FAM171B: variants seen among roughly 807,000 people sequenced by gnomAD.
FAM171B encodes the protein family with sequence similarity 171 member B, also known as protein FAM171B.
A neutral mutation model predicts 75.6 loss-of-function variants in FAM171B; 19 were observed. The ratio of observed to expected loss-of-function variants is 0.25; its 90% CI spans 0.18 to 0.37. The LOEUF is 0.37. Among genes scored for constraint, FAM171B ranks in the 10% least tolerant of loss-of-function variants. FAM171B has a pLI of 1.00. For missense variants in FAM171B, 848 were observed against 982.4 expected (o/e 0.86, Z 1.83); for synonymous variants, 367 against 361.7 (o/e 1.01, Z -0.17).
At chr2:186,761,339 T>C in intron 7 of FAM171B, 103 bp downstream of exon 7, 1 of 1,446,512 alleles carries the variant, frequency 6.9e-7, no homozygotes, top group South Asian at 1.4e-5. Flanking sequence ...TTTAATCTTA[T>C]AATATATCCT....
intron 1 of FAM171B, among the ~76,000 whole-genome samples, chr2:186,704,960 T>C (rs1324475877): frequency 3.3e-5 from 5 of 152,228 alleles, no homozygotes; most frequent in Admixed American, 6.5e-5. Context: ...CATTCCTTTA[T>C]ACTTTATTGA....
chr2:186,760,115 T>C (rs114929504), intron 6 of FAM171B, among the ~76,000 whole-genome samples: 365 of 152,282 alleles, frequency 2.4e-3, no homozygotes, highest in African/African-American at 8.5e-3. Context: ...GATTTATTTA[T>C]AGGTTCTCTG....
intron 1 of FAM171B, among the ~76,000 whole-genome samples, chr2:186,709,079 G>A (rs2105773868): frequency 6.6e-6 from 1 of 152,204 alleles, no homozygotes; most frequent in East Asian, 1.9e-4. Flanking sequence ...TCATCACACA[G>A]AGAAAGAAGG....
At chr2:186,738,223 C>T (rs1041814900) in intron 1 of FAM171B, among the ~76,000 whole-genome samples, 19 of 152,194 alleles carry the variant, frequency 1.2e-4, no homozygotes, top group African/African-American at 3.4e-4. Context: ...CCACAGCCCA[C>T]GGGGCAGAAG....
Position 186,763,792 on chromosome 2 carries a change from C to T in FAM171B, c.*969C>T, listed in dbSNP as rs1690659803. 1 of 151,952 alleles carries T rather than the reference C, an allele frequency of 6.6e-6. No homozygotes were observed. Among genetic ancestry groups the T allele is most frequent in the Non-Finnish European group, 1.5e-5 (1 of 67,936 alleles). The allele number at this position is 151,952 out of a possible 1,614,324, so 9.4% of individuals were successfully genotyped here. Reference sequence around the variant, plus strand: ...ATAAAATATGTGCAGATAAAATATACATTGATTTGTTTTTCTTAAATGTTG... The same window carrying T: ...ATAAAATATGTGCAGATAAAATATATATTGATTTGTTTTTCTTAAATGTTG... On this transcript the variant is annotated 3_prime_UTR_variant, in exon 8 of 8. Transcript: ENST00000304698.
At chr2:186,740,188 A>G (rs753958941) in intron 1 of FAM171B, 40 bp from the exon 2 acceptor site, 5 of 1,436,344 alleles carry the variant, frequency 3.5e-6, no homozygotes, top group Non-Finnish European at 4.9e-6. Flanking sequence ...TATGCATTCT[A>G]GGATACGACA....
At chr2:186,750,352 G>C (rs543216867) in intron 4 of FAM171B, among the ~76,000 whole-genome samples, 5 of 152,104 alleles carry the variant, frequency 3.3e-5, no homozygotes, top group Admixed American at 3.3e-4. Context: ...TTAAGAAAGC[G>C]TACTGTAAAT....
intron 1 of FAM171B, among the ~76,000 whole-genome samples, chr2:186,712,593 AT>A (rs1216828715): frequency 1.3e-5 from 2 of 152,198 alleles, no homozygotes; most frequent in Non-Finnish European, 2.9e-5. Context: ...CTGTCAGTCG[AT>A]CATATTAATA....
At chr2:186,755,219 C>T in intron 6 of FAM171B, among the ~76,000 whole-genome samples, 1 of 152,164 alleles carries the variant, frequency 6.6e-6, no homozygotes, top group East Asian at 1.9e-4. Flanking sequence ...CCTGCTACCA[C>T]TTCCTGGGCC....
chr2:186,737,361 T>G (rs1254545143), intron 1 of FAM171B, among the ~76,000 whole-genome samples: 1 of 152,224 alleles, frequency 6.6e-6, no homozygotes, highest in Non-Finnish European at 1.5e-5. Context: ...TTTCTTTTCT[T>G]TCTCTTTTTT....
intron 2 of FAM171B, among the ~76,000 whole-genome samples, chr2:186,742,514 T>C (rs1333057969): frequency 1.3e-5 from 2 of 152,216 alleles, no homozygotes; most frequent in Non-Finnish European, 2.9e-5. Context: ...CCACCCATCA[T>C]TGTATACTTT....
intron 1 of FAM171B, among the ~76,000 whole-genome samples, chr2:186,726,287 T>A (rs2105780724): frequency 6.6e-6 from 1 of 152,306 alleles, no homozygotes; most frequent in African/African-American, 2.4e-5. Flanking sequence ...TTTTTTCTTT[T>A]TCTTTTAAAC....
intron 1 of FAM171B, among the ~76,000 whole-genome samples, chr2:186,730,285 C>T (rs1008789102): frequency 6.6e-6 from 1 of 152,184 alleles, no homozygotes; most frequent in Non-Finnish European, 1.5e-5. Context: ...TCTCAATTTC[C>T]TTGCCTTAAA....
chr2:186,708,068 G>T (rs562722166), intron 1 of FAM171B, among the ~76,000 whole-genome samples: 1 of 151,994 alleles, frequency 6.6e-6, no homozygotes, highest in African/African-American at 2.4e-5. Flanking sequence ...TTTATTGAAT[G>T]AATAAATGAA....
Position 186,762,386 on chromosome 2 carries a change from G to A in FAM171B, c.2044G>A (p.Val682Ile). The A allele has an allele frequency of 6.2e-7, 1 of 1,613,690 alleles. No individual in the cohort carries two copies. The highest frequency in any genetic ancestry group is 8.5e-7 in the Non-Finnish European group (1 of 1,179,778). ...AWFVSLDGKP[V>I]AQVRHSFIDL... ...GTTTGTGTCTCTTGATGGAAAGCCA[G>A]TTGCACAAGTGAGGCACTCCTTTAT... is the stretch of plus-strand genomic sequence containing the variant. Residue 682 changes from valine to isoleucine, a missense_variant, in exon 8 of 8, where the codon GTT becomes ATT. Val to Ile is a conservative substitution (Grantham distance 29). Transcript: ENST00000304698. The surrounding 1 kb of genome is among the most constrained non-coding windows in gnomAD (Gnocchi z 4.0).
At chr2:186,703,295 T>C (rs1689689712) in intron 1 of FAM171B, among the ~76,000 whole-genome samples, 1 of 152,112 alleles carries the variant, frequency 6.6e-6, no homozygotes, top group Non-Finnish European at 1.5e-5. Flanking sequence ...TGTAGAACGT[T>C]TACTTGGCTG....
At chr2:186,738,456 G>A (rs1690236871) in intron 1 of FAM171B, among the ~76,000 whole-genome samples, 1 of 152,022 alleles carries the variant, frequency 6.6e-6, no homozygotes, top group Non-Finnish European at 1.5e-5. Flanking sequence ...TTAGAATGGG[G>A]GAGTGCATGC....
chr2:186,744,446 T>A lies in FAM171B; in HGVS notation c.565+871T>A, dbSNP rs575540219. Among the ~76,000 whole-genome samples the A allele has an allele frequency of 7.3e-4, 111 of 152,340 alleles. 1 individual carries two copies. Among genetic ancestry groups the A allele is most frequent in the African/African-American group, 2.6e-3 (107 of 41,584 alleles). Reference sequence around the variant, plus strand: ...AAAAAATAAACTAGGGCTTGATGAATCTTGAAGCAATTTACTGAGTGAGGC... The same window carrying A: ...AAAAAATAAACTAGGGCTTGATGAAACTTGAAGCAATTTACTGAGTGAGGC... On this transcript the variant is annotated intron_variant, in intron 3 of 7. Coordinates refer to ENST00000304698, the MANE Select transcript of FAM171B (RefSeq NM_177454.4).
At chr2:186,701,865 C>T (rs1689666763) in intron 1 of FAM171B, among the ~76,000 whole-genome samples, 1 of 152,136 alleles carries the variant, frequency 6.6e-6, no homozygotes, top group South Asian at 2.1e-4. Flanking sequence ...AAATATTGAA[C>T]TTGATTCTCT....
Sources: allele counts gnomAD v4.1 joint callset (sites outside exome capture counted in the v4.1 genomes callset), GRCh38; gene constraint gnomAD v4.1.1; non-coding constraint Gnocchi (gnomAD v3.1); transcripts MANE v1.5; gene names NCBI Gene and HGNC (gene_info 2026-07-23, HGNC 2026-07-21).